PTDSS1: variants seen among roughly 807,000 people sequenced by gnomAD.
PTDSS1 encodes the protein phosphatidylserine synthase 1, also known as PSS-1.
In PTDSS1, 45 loss-of-function variants were observed where a neutral mutation model predicts 70.5. The ratio of observed to expected loss-of-function variants is 0.64; its 90% CI spans 0.50 to 0.82. The LOEUF is 0.82. PTDSS1 is among the 40% of genes least tolerant of loss of function. The pLI is 0.00. For synonymous variants in PTDSS1, 188 were observed against 203.8 expected, an observed-to-expected ratio of 0.92 and a Z score of 0.66; for missense variants, 417 against 586.1, an observed-to-expected ratio of 0.71 and a Z score of 2.98.
chr8:96,327,465 C>T (rs1230968015), intron 10 of PTDSS1, among the ~76,000 whole-genome samples: 1 of 152,088 alleles, frequency 6.6e-6, no homozygotes, highest in African/African-American at 2.4e-5. Context: ...GGTCCTGGCA[C>T]TTTTTAAAAT....
At position 96,276,942 on chromosome 8, in the gene PTDSS1, T is replaced by C. The variant is rs550094552; in HGVS notation, c.271+3552T>C. On this transcript the variant is annotated intron_variant, in intron 2 of 12. Transcript: ENST00000517309. ...ACTCTATTTCTGCCCTACCATCCTT[T>C]CTTCTCCTCCCGGGCACATACACGC... Among the ~76,000 whole-genome samples, 14 of 150,620 alleles carry C rather than the reference T, an allele frequency of 9.3e-5. No homozygotes were observed. In the East Asian group the frequency reaches 2.2e-3, roughly 23 times the overall value.
chr8:96,314,667 G>T (rs1020039886), intron 9 of PTDSS1, among the ~76,000 whole-genome samples: 2 of 151,642 alleles, frequency 1.3e-5, no homozygotes, highest in East Asian at 3.8e-4. Context: ...TGCCATCTCG[G>T]CTCACTGCAA....
At position 96,335,912 on chromosome 8, in the gene PTDSS1, G is replaced by C. The variant is rs1415343833; in HGVS notation, c.*2346G>C. 6.6e-6 allele frequency: 1 copy of C among 152,204 alleles called. No individual in the cohort carries two copies. The highest frequency in any genetic ancestry group is 2.4e-5 in the African/African-American group (1 of 41,452). The allele number at this position is 152,204 out of a possible 1,614,324, so 9.4% of individuals were successfully genotyped here. On this transcript the variant is annotated 3_prime_UTR_variant, in exon 13 of 13. Coordinates refer to ENST00000517309, the MANE Select transcript of PTDSS1 (RefSeq NM_014754.3). ...GATTGTAAATTATCTCATGGTCCCTGTTTGCAAACCACCCTCTTAAGAGAG... is the reference window on the plus strand; with the variant it reads ...GATTGTAAATTATCTCATGGTCCCTCTTTGCAAACCACCCTCTTAAGAGAG...
At chr8:96,298,536 T>C (rs1167934102) in intron 5 of PTDSS1, among the ~76,000 whole-genome samples, 1 of 152,196 alleles carries the variant, frequency 6.6e-6, no homozygotes, top group East Asian at 1.9e-4. Context: ...TTGATCTTAC[T>C]GTTTCCCCTT....
At chr8:96,271,894 A>G (rs1429400497) in intron 1 of PTDSS1, among the ~76,000 whole-genome samples, 2 of 150,088 alleles carry the variant, frequency 1.3e-5, no homozygotes, top group African/African-American at 4.9e-5. Flanking sequence ...AACGGTCACT[A>G]TTTTTAACTT....
chr8:96,309,430 G>T, intron 8 of PTDSS1, 127 bp from the exon 9 acceptor site: 1 of 755,804 alleles, frequency 1.3e-6, no homozygotes, highest in South Asian at 1.7e-5. Context: ...CTCTTGAACA[G>T]AACTAGACCA....
intron 2 of PTDSS1, among the ~76,000 whole-genome samples, chr8:96,281,395 A>G (rs1216937247): frequency 6.6e-6 from 1 of 152,068 alleles, no homozygotes; most frequent in African/African-American, 2.4e-5. Context: ...CTGGGTTTTG[A>G]AGTTAGTTAC....
chr8:96,291,249 A>T (rs1344177200), intron 4 of PTDSS1, among the ~76,000 whole-genome samples: 2 of 152,154 alleles, frequency 1.3e-5, no homozygotes, highest in African/African-American at 4.8e-5. Flanking sequence ...TTGAACCCTA[A>T]GACAATTTCA....
At chr8:96,329,796 C>A (rs1003414488) in intron 10 of PTDSS1, among the ~76,000 whole-genome samples, 6 of 152,186 alleles carry the variant, frequency 3.9e-5, no homozygotes, top group Middle Eastern at 3.2e-3. Context: ...GACCTCTTCC[C>A]CCTAGAAGCT....
At chr8:96,286,076 G>A (rs1212391424) in intron 3 of PTDSS1, among the ~76,000 whole-genome samples, 1 of 152,118 alleles carries the variant, frequency 6.6e-6, no homozygotes, top group African/African-American at 2.4e-5. Flanking sequence ...GCACTATAGC[G>A]CTTGCAGTGG....
chr8:96,286,091 C>T (rs1247429371), intron 3 of PTDSS1, among the ~76,000 whole-genome samples: 5 of 152,166 alleles, frequency 3.3e-5, no homozygotes, highest in African/African-American at 1.2e-4. Context: ...CAGTGGATTT[C>T]ATTCCAGCCA....
At position 96,314,978 on chromosome 8, in the gene PTDSS1, G is replaced by C. The variant is rs192551332; in HGVS notation, c.1074-5268G>C. Among the ~76,000 whole-genome samples, 359 of 152,244 alleles carry C rather than the reference G, an allele frequency of 2.4e-3. 1 individual carries two copies. Among genetic ancestry groups the C allele is most frequent in the African/African-American group, 8.3e-3 (346 of 41,550 alleles). ...TCCTACTAAGTATCTAAACGAGTAA[G>C]CAGAACAGTTCTGAGTTTGCCATCC... On this transcript the variant is annotated intron_variant, in intron 9 of 12. Coordinates refer to ENST00000517309, the MANE Select transcript of PTDSS1 (RefSeq NM_014754.3).
chr8:96,331,116 G>GT (rs753651308), intron 12 of PTDSS1, 21 bp downstream of exon 12: 1 of 1,564,464 alleles, frequency 6.4e-7, no homozygotes, highest in Admixed American at 1.7e-5. Context: ...CTTGTTCGTT[G>GT]TTTAAAATTT....
chr8:96,268,581 A>G (rs1810519006), intron 1 of PTDSS1, among the ~76,000 whole-genome samples: 1 of 151,764 alleles, frequency 6.6e-6, no homozygotes, highest in South Asian at 2.1e-4. Context: ...GTACTCAAAT[A>G]TTAAATTGAG....
intron 9 of PTDSS1, among the ~76,000 whole-genome samples, chr8:96,311,826 T>C (rs896569855): frequency 6.6e-6 from 1 of 152,192 alleles, no homozygotes; most frequent in Non-Finnish European, 1.5e-5. Context: ...GAGGTGGCGC[T>C]CCCGCTTCAT....
At chr8:96,309,938 G>A (rs572875780) in intron 9 of PTDSS1, among the ~76,000 whole-genome samples, 5 of 151,978 alleles carry the variant, frequency 3.3e-5, no homozygotes, top group South Asian at 4.2e-4. Context: ...CGAGGTGGGC[G>A]GATCACTTGA....
intron 1 of PTDSS1, among the ~76,000 whole-genome samples, chr8:96,265,907 C>CA (rs1810479840): frequency 6.6e-6 from 1 of 152,256 alleles, no homozygotes; most frequent in Non-Finnish European, 1.5e-5. Flanking sequence ...ACCTGGCTAA[C>CA]ATAGCAAGAC....
intron 4 of PTDSS1, among the ~76,000 whole-genome samples, chr8:96,290,006 G>A (rs1810879096): frequency 1.3e-5 from 2 of 152,146 alleles, no homozygotes; most frequent in African/African-American, 2.4e-5. Flanking sequence ...GTCTATGTCA[G>A]ACACTGTGCA....
chr8:96,292,398 A>G (rs16894431), intron 4 of PTDSS1, among the ~76,000 whole-genome samples: 24,674 of 152,050 alleles, frequency 0.16, 3,454 homozygotes, highest in African/African-American at 0.38. Flanking sequence ...TGTGAAAAAG[A>G]CGTGTCATAG....
Sources: allele counts gnomAD v4.1 joint callset (sites outside exome capture counted in the v4.1 genomes callset), GRCh38; gene constraint gnomAD v4.1.1; transcripts MANE v1.5; gene names NCBI Gene and HGNC (gene_info 2026-07-23, HGNC 2026-07-21).